ANGPT4: variants seen among roughly 807,000 people sequenced by gnomAD.
ANGPT4 encodes the protein angiopoietin 4, also known as angiopoietin-4.
ANGPT4 carries 50 observed loss-of-function variants against 53.0 expected under a neutral mutation model. The ratio of observed to expected loss-of-function variants is 0.94; its 90% CI spans 0.75 to 1.20. The LOEUF (loss-of-function observed/expected upper bound fraction) is 1.20. Among genes scored for constraint, ANGPT4 ranks in the 50% most tolerant of loss-of-function variants. The pLI, the probability that ANGPT4 is intolerant of heterozygous loss-of-function variation, is 0.00. For synonymous variants in ANGPT4, 251 were observed against 259.7 expected (o/e 0.97, Z 0.32); for missense variants, 648 against 637.1 (o/e 1.02, Z -0.18).
At chr20:879,961 C>G in intron 5 of ANGPT4, 113 bp from the exon 6 acceptor site, 1 of 558,634 alleles carries the variant, frequency 1.8e-6, no homozygotes, top group East Asian at 3.2e-5. Flanking sequence ...AACAGGTGAG[C>G]CTGGGGGTCC....
At chr20:885,720 A>G (rs1450709987) in intron 3 of ANGPT4, among the ~76,000 whole-genome samples, 2 of 152,270 alleles carry the variant, frequency 1.3e-5, no homozygotes, top group South Asian at 2.1e-4. Context: ...TATAGCCTAG[A>G]TGCCCAAAAG....
rs371864935 is a variant in ANGPT4, at chr20:873,061, C to T, written c.1411G>A (p.Asp471Asn). Residue 471 changes from aspartate (D) to asparagine (N), a missense_variant, in exon 9 of 9, where the codon GAC becomes AAC. Coordinates refer to ENST00000381922, the MANE Select transcript of ANGPT4 (RefSeq NM_015985.4). ...NLNGVYYHAP[D>N]NKYKMDGIRW... ...ATGCCGTCCATCTTGTACTTGTTGTCGGGAGCGTGGTAGTAGACGCCGTTG... is the reference window on the plus strand; with the variant it reads ...ATGCCGTCCATCTTGTACTTGTTGTTGGGAGCGTGGTAGTAGACGCCGTTG... 2.4e-5 allele frequency: 38 copies of T among 1,614,064 alleles called. No homozygotes were observed. Among genetic ancestry groups the T allele is most frequent in the Middle Eastern group, 1.6e-4 (1 of 6,062 alleles).
intron 1 of ANGPT4, among the ~76,000 whole-genome samples, chr20:898,338 C>CCTCTTAA (rs1203647941): frequency 2.0e-5 from 3 of 152,176 alleles, no homozygotes; most frequent in African/African-American, 7.2e-5. Context: ...CCAAAAATTT[C>CCTCTTAA]CTCTTAAAAA....
chr20:879,940 C>T, intron 5 of ANGPT4, 92 bp from the exon 6 acceptor site: 2 of 794,750 alleles, frequency 2.5e-6, no homozygotes, highest in Non-Finnish European at 3.9e-6. Flanking sequence ...GCAGACAGAC[C>T]CCCACAGAGC....
chr20:892,826 G>A (rs1052596147), intron 1 of ANGPT4, among the ~76,000 whole-genome samples: 2 of 152,122 alleles, frequency 1.3e-5, no homozygotes, highest in Admixed American at 6.6e-5. Context: ...ACCACCACGC[G>A]CAGTTCCCCC....
Position 873,567 on chromosome 20 carries a change from G to T in ANGPT4, c.1352-447C>A, listed in dbSNP as rs183985529. 2.7e-3 allele frequency among the ~76,000 whole-genome samples: 406 copies of T among 152,062 alleles called. 2 individuals carry two copies. The highest frequency in any genetic ancestry group is 3.6e-3 in the Non-Finnish European group (243 of 67,976). On this transcript the variant is annotated intron_variant, in intron 8 of 8. Transcript: ENST00000381922. Reference sequence around the variant, plus strand: ...GGTCTGTCTCTGTGTGTCCCATTGTGTTCATCTTTCTCTGATGGTCTTTGT... The same window carrying T: ...GGTCTGTCTCTGTGTGTCCCATTGTTTTCATCTTTCTCTGATGGTCTTTGT...
chr20:890,419 CT>C (rs1301001562), intron 1 of ANGPT4, 51 bp from the exon 2 acceptor site: 6 of 1,539,368 alleles, frequency 3.9e-6, no homozygotes, highest in South Asian at 1.2e-5. Flanking sequence ...GGGAAGCCCC[CT>C]GTCCCTCCCA....
chr20:899,852 A>G (rs1329115314), intron 1 of ANGPT4, among the ~76,000 whole-genome samples: 3 of 152,224 alleles, frequency 2.0e-5, no homozygotes, highest in Non-Finnish European at 2.9e-5. Context: ...CCTGACACCC[A>G]TCAGCCTCAG....
At position 908,242 on chromosome 20, in the gene ANGPT4, C is replaced by A. The variant is rs1305795555; in HGVS notation, c.309+7664G>T. On this transcript the variant is annotated intron_variant, in intron 1 of 8. Transcript: ENST00000381922. The surrounding 1 kb of genome is among the most constrained non-coding windows in gnomAD (Gnocchi z 4.9). ...CCTCCACGGAGAACAGGGTCAGGAC[C>A]AGGGACATCTGTCTGGCTCCTGGTG... is the stretch of plus-strand genomic sequence containing the variant. 1.3e-5 allele frequency among the ~76,000 whole-genome samples: 2 copies of A among 152,152 alleles called. No individual in the cohort carries two copies. Among genetic ancestry groups the A allele is most frequent in the Non-Finnish European group, 2.9e-5 (2 of 68,022 alleles).
chr20:892,193 ACTT>A (rs1005262774), intron 1 of ANGPT4, among the ~76,000 whole-genome samples: 2 of 151,946 alleles, frequency 1.3e-5, no homozygotes, highest in Admixed American at 1.3e-4. Flanking sequence ...TCAACACAAA[ACTT>A]CTACAAGTTG....
In ANGPT4 at chr20:871,519, G is replaced by GAATA. The variant is rs1423750145; in HGVS notation, c.*1440_*1441insTATT. On this transcript the variant is annotated 3_prime_UTR_variant, in exon 9 of 9. Transcript: ENST00000381922. ...TGGATCCTTTCTGACTCCATCCTCT[G>GAATA]AAAGAAGCTATGAGGGCCCTGGTCT... The GAATA allele has an allele frequency of 6.6e-6, 1 of 152,408 alleles. No individual in the cohort carries two copies. The highest frequency in any genetic ancestry group is 1.5e-5 in the Non-Finnish European group (1 of 68,208). 9.4% of individuals were successfully genotyped at this position (152,408 alleles called of 1,614,324 possible). A position where few individuals can be genotyped will look rare whatever the true frequency, so the allele number is the denominator to read the frequency against.
chr20:873,234 T>G (rs1239714692), intron 8 of ANGPT4, 114 bp from the exon 9 acceptor site: 152 of 405,074 alleles, frequency 3.8e-4, no homozygotes, highest in South Asian at 1.2e-3. Flanking sequence ...TTGCCTCCTC[T>G]GGGAAGCCAG....
intron 4 of ANGPT4, 138 bp downstream of exon 4, chr20:884,940 T>C: frequency 8.1e-7 from 1 of 1,231,990 alleles, no homozygotes; most frequent in Non-Finnish European, 1.1e-6. Context: ...TTATTGTTGT[T>C]TCTATTTCAC....
chr20:913,644 G>A (rs1259275200), intron 1 of ANGPT4, among the ~76,000 whole-genome samples: 6 of 152,252 alleles, frequency 3.9e-5, no homozygotes, highest in Non-Finnish European at 5.9e-5. Flanking sequence ...CCAAGCATCC[G>A]ACACCCAGGG....
Position 896,794 on chromosome 20 carries a change from G to T in ANGPT4, c.310-6426C>A, listed in dbSNP as rs552019501. ...ATAGCTCCTTCCCCTGGGTTGTAGG[G>T]AGCATTCCTGAGATAACTCTGGTTG... On this transcript the variant is annotated intron_variant, in intron 1 of 8. Transcript: ENST00000381922. Among the ~76,000 whole-genome samples the T allele has an allele frequency of 5.3e-5, 8 of 152,230 alleles. No individual in the cohort carries two copies. In the South Asian group the frequency reaches 8.3e-4, roughly 16 times the overall value.
At chr20:912,898 C>T (rs1982760282) in intron 1 of ANGPT4, among the ~76,000 whole-genome samples, 1 of 152,166 alleles carries the variant, frequency 6.6e-6, no homozygotes, top group Admixed American at 6.5e-5. Flanking sequence ...GAAAAAGTAC[C>T]TGCAGTTTGT....
intron 1 of ANGPT4, among the ~76,000 whole-genome samples, chr20:904,250 A>C (rs1178191239): frequency 6.6e-6 from 1 of 152,298 alleles, no homozygotes; most frequent in Non-Finnish European, 1.5e-5. Context: ...CTTCCAGAGA[A>C]ACGCTATGCA....
Position 874,341 on chromosome 20 carries a change from T to C in ANGPT4, c.1294A>G (p.Thr432Ala). The C allele has an allele frequency of 6.2e-7, 1 of 1,614,180 alleles. No homozygotes were observed. Among genetic ancestry groups the C allele is most frequent in the Non-Finnish European group, 8.5e-7 (1 of 1,180,032 alleles). The part of the protein sequence containing the change: ...SLVLQNTSFS[T>A]LDSDNDHCLC... ...CAGTGGTCGTTGTCTGAGTCAAGGG[T>C]GCTAAAGCTGGTGTTCTGCAGGACC... The change falls in exon 8 of 9, where the codon ACC becomes GCC. Residue 432 changes from threonine (T) to alanine (A), a missense_variant. Physicochemically the swap from Thr to Ala is moderately conservative, Grantham distance 58. Transcript: ENST00000381922.
At chr20:884,112 G>C (rs1981513678) in intron 4 of ANGPT4, among the ~76,000 whole-genome samples, 1 of 152,114 alleles carries the variant, frequency 6.6e-6, no homozygotes, top group African/African-American at 2.4e-5. Context: ...CTCTCATCAG[G>C]ACATCTCCAC....
Sources: gnomAD v4.1 joint callset for allele counts (sites outside exome capture counted in the v4.1 genomes callset) on GRCh38, gnomAD v4.1.1 for gene constraint, Gnocchi (gnomAD v3.1) non-coding constraint, MANE v1.5 for transcripts, NCBI Gene and HGNC (gene_info 2026-07-23, HGNC 2026-07-21) for gene names.